The following RAB3C variants were observed in gnomAD, a reference collection of about 807,000 sequenced individuals.
RAB3C encodes the protein RAB3C, member RAS oncogene family.
In RAB3C, 17 loss-of-function variants were observed where a neutral mutation model predicts 26.4. The ratio of observed to expected loss-of-function variants is 0.64; its 90% CI spans 0.44 to 0.97. The LOEUF (loss-of-function observed/expected upper bound fraction) is 0.97, where lower values mean the gene tolerates loss of function less well. Ranked by LOEUF, RAB3C falls within the 50% of genes least tolerant of loss-of-function variation. The probability of loss-of-function intolerance (pLI) is 0.00; values close to 1 mark genes in which losing one functional copy is unlikely to be tolerated. For synonymous variants in RAB3C, 91 were observed against 95.9 expected, an observed-to-expected ratio of 0.95 and a Z score of 0.30; for missense variants, 242 against 281.9, an observed-to-expected ratio of 0.86 and a Z score of 1.01.
At chr5:58,737,439 ATATATATAT>A (rs1561305250) in intron 3 of RAB3C, among the ~76,000 whole-genome samples, 5,270 of 63,812 alleles carry the variant, frequency 0.083, 586 homozygotes, top group Non-Finnish European at 0.094. Flanking sequence ...ATATATATAT[ATATATATAT>A]AATTTACTTG....
intron 1 of RAB3C, chr5:58,617,429 A>G (rs1746846484): frequency 2.7e-6 from 2 of 746,036 alleles, no homozygotes; most frequent in Admixed American, 3.5e-5. Context: ...ACAGCTGGAA[A>G]GGCCTGTAAG....
At chr5:58,632,066 C>A (rs776589154) in intron 2 of RAB3C, among the ~76,000 whole-genome samples, 18 of 152,174 alleles carry the variant, frequency 1.2e-4, no homozygotes, top group Non-Finnish European at 2.4e-4. Context: ...TTCAGCCTGG[C>A]CTTGATGGTG....
At chr5:58,741,836 C>G (rs921515823) in intron 3 of RAB3C, 1 of 151,920 alleles carries the variant, frequency 6.6e-6, no homozygotes, top group Non-Finnish European at 1.5e-5. Flanking sequence ...GAAACCCCGT[C>G]TCTACTAAAA....
intron 3 of RAB3C, among the ~76,000 whole-genome samples, chr5:58,753,814 C>T (rs560834157): frequency 1.1e-4 from 17 of 152,286 alleles, no homozygotes; most frequent in South Asian, 2.1e-4. Context: ...TCAGGGCAGA[C>T]GGGACAGTTG....
chr5:58,824,926 GTT>G (rs11384049), intron 3 of RAB3C, 110 bp from the exon 4 acceptor site: 5 of 606,954 alleles, frequency 8.2e-6, no homozygotes, highest in South Asian at 5.3e-5. Context: ...TGGACATCGT[GTT>G]TTTTTTTTCC....
intron 4 of RAB3C, among the ~76,000 whole-genome samples, chr5:58,835,667 A>G (rs532779885): frequency 3.0e-4 from 46 of 152,338 alleles, no homozygotes; most frequent in African/African-American, 1.0e-3. Flanking sequence ...AAATGTTTAA[A>G]AATTAATCCA....
chr5:58,627,194 T>C (rs1747070400), intron 2 of RAB3C, among the ~76,000 whole-genome samples: 1 of 152,278 alleles, frequency 6.6e-6, no homozygotes, highest in Admixed American at 6.5e-5. Context: ...AATTCACCTA[T>C]TGGGATATGA....
intron 1 of RAB3C, among the ~76,000 whole-genome samples, chr5:58,611,660 A>C (rs1008694072): frequency 6.6e-6 from 1 of 151,956 alleles, no homozygotes; most frequent in Non-Finnish European, 1.5e-5. Flanking sequence ...GTTTGCAAAA[A>C]ATTTTTCCTA....
Position 58,859,260 on chromosome 5 carries a change from T to C in RAB3C, c.*7909T>C, listed in dbSNP as rs1744330546. 6.6e-6 allele frequency: 1 copy of C among 152,224 alleles called. No individual in the cohort carries two copies. Among genetic ancestry groups the C allele is most frequent in the African/African-American group, 2.4e-5 (1 of 41,460 alleles). The allele number at this position is 152,224 out of a possible 1,614,324, so 9.4% of individuals were successfully genotyped here. A position where few individuals can be genotyped will look rare whatever the true frequency, so the allele number is the denominator to read the frequency against. ...TTTTAATTATCTTTATTGAAATTAA[T>C]TGTGTAAAAATGGTATGTGCTCTAT... On this transcript the variant is annotated 3_prime_UTR_variant, in exon 5 of 5. Transcript: ENST00000282878.
intron 3 of RAB3C, among the ~76,000 whole-genome samples, chr5:58,815,382 C>A (rs1458735418): frequency 6.6e-6 from 1 of 152,158 alleles, no homozygotes; most frequent in East Asian, 1.9e-4. Context: ...TCCACAATGT[C>A]AAAGTGCTAA....
At chr5:58,664,784 A>G (rs1747971315) in intron 2 of RAB3C, among the ~76,000 whole-genome samples, 1 of 152,116 alleles carries the variant, frequency 6.6e-6, no homozygotes, top group African/African-American at 2.4e-5. Context: ...TAATATACTA[A>G]GAATCCAAAA....
At chr5:58,810,554 T>C (rs1743053027) in intron 3 of RAB3C, among the ~76,000 whole-genome samples, 1 of 152,202 alleles carries the variant, frequency 6.6e-6, no homozygotes, top group Non-Finnish European at 1.5e-5. Context: ...ACTTCAAGAA[T>C]GGATGGTAAT....
intron 2 of RAB3C, among the ~76,000 whole-genome samples, chr5:58,693,702 G>A (rs1446199280): frequency 2.0e-5 from 3 of 152,106 alleles, no homozygotes; most frequent in Non-Finnish European, 4.4e-5. Flanking sequence ...CTTGAGTACA[G>A]TACCTTTTCA....
At chr5:58,587,650 G>C (rs1376660815) in intron 1 of RAB3C, among the ~76,000 whole-genome samples, 1 of 152,136 alleles carries the variant, frequency 6.6e-6, no homozygotes, top group Non-Finnish European at 1.5e-5. Context: ...ATAAATCTGT[G>C]TAACACACAC....
chr5:58,649,330 G>A (rs1399593332), intron 2 of RAB3C, among the ~76,000 whole-genome samples: 2 of 151,840 alleles, frequency 1.3e-5, no homozygotes, highest in Non-Finnish European at 2.9e-5. Flanking sequence ...GACATAGCAC[G>A]TCAGCATCTA....
At chr5:58,599,690 C>CT (rs964079009) in intron 1 of RAB3C, among the ~76,000 whole-genome samples, 28 of 148,558 alleles carry the variant, frequency 1.9e-4, no homozygotes, top group Middle Eastern at 3.5e-3. Flanking sequence ...TCTCCTTTTT[C>CT]TTTTTTTTTT....
chr5:58,597,395 G>A (rs367685644), intron 1 of RAB3C, among the ~76,000 whole-genome samples: 10 of 1,844 alleles, frequency 5.4e-3, no homozygotes, highest in African/African-American at 7.0e-3. Flanking sequence ...ACAATACATA[G>A]TACATTATAT....
chr5:58,686,269 G>A (rs987556917), intron 2 of RAB3C, among the ~76,000 whole-genome samples: 14 of 152,020 alleles, frequency 9.2e-5, no homozygotes, highest in Non-Finnish European at 1.8e-4. Context: ...AAAGACAAAA[G>A]GGATCAAAGA....
chr5:58,725,906 T>G, intron 2 of RAB3C, 96 bp from the exon 3 acceptor site: 1 of 679,686 alleles, frequency 1.5e-6, no homozygotes, highest in African/African-American at 1.8e-5. Context: ...AAGTACATTT[T>G]AGACTCTATT....
Sources: gnomAD v4.1 joint callset for allele counts (sites outside exome capture counted in the v4.1 genomes callset) on GRCh38, gnomAD v4.1.1 for gene constraint, MANE v1.5 for transcripts, NCBI Gene and HGNC (gene_info 2026-07-23, HGNC 2026-07-21) for gene names.